The following TF variants were observed in gnomAD, a reference collection of about 807,000 sequenced individuals.
The protein encoded by TF is transferrin, also known as serotransferrin.
Under a neutral mutation model 82.4 loss-of-function variants are expected in TF, and 55 were observed. The ratio of observed to expected loss-of-function variants is 0.67; its 90% CI spans 0.54 to 0.84. The LOEUF is 0.84. Among genes scored for constraint, TF ranks in the 40% least tolerant of loss-of-function variants. TF has a pLI of 0.00. For missense variants in TF, 737 were observed against 868.4 expected (o/e 0.85, Z 1.90); for synonymous variants, 332 against 332.6 (o/e 1.00, Z 0.02).
At chr3:133,764,297 T>C (rs770844100) in intron 10 of TF, 22 bp downstream of exon 10, 2 of 1,583,660 alleles carry the variant, frequency 1.3e-6, no homozygotes, top group South Asian at 2.2e-5. Context: ...GGAGCACCTC[T>C]CTGTGTTTTC....
At chr3:133,746,286 G>A, upstream of TF, 1 of 817,618 alleles carries the variant, frequency 1.2e-6, no homozygotes. Context: ...GGGGTTGGGA[G>A]AGGGGCGATT....
Position 133,762,783 on chromosome 3 carries a change from C to CA in TF, c.1204-1396dup, listed in dbSNP as rs113992154. Among the ~76,000 whole-genome samples, 864 of 152,282 alleles carry CA rather than the reference C, an allele frequency of 5.7e-3. 13 individuals carry two copies. The highest frequency in any genetic ancestry group is 0.02 in the African/African-American group (816 of 41,552). Reference sequence around the variant, plus strand: ...TGACAGGTGCCTTCAAGCTAAAACACAAAGAATTTAATACACATTACCAGG... The same window carrying CA: ...TGACAGGTGCCTTCAAGCTAAAACACAAAAGAATTTAATACACATTACCAGG... On this transcript the variant is annotated intron_variant, in intron 9 of 16. Coordinates refer to ENST00000402696, the MANE Select transcript of TF (RefSeq NM_001063.4).
At chr3:133,695,553 G>T in the TF span, among the ~76,000 whole-genome samples, 1 of 152,076 alleles carries the variant, frequency 6.6e-6, no homozygotes, top group Non-Finnish European at 1.5e-5. Flanking sequence ...GATATAAGTT[G>T]CCTTATATCT....
chr3:133,770,113 A>G (rs992053859), intron 13 of TF, among the ~76,000 whole-genome samples: 16 of 152,182 alleles, frequency 1.1e-4, no homozygotes, highest in African/African-American at 3.9e-4. Context: ...GCAATTTGTG[A>G]TGGAGTTTCA....
chr3:133,690,885 C>T, the TF span, among the ~76,000 whole-genome samples: 44 of 152,144 alleles, frequency 2.9e-4, 1 homozygote, highest in Admixed American at 2.9e-3. Flanking sequence ...CAAGGCCCAG[C>T]GGCCTTCTTG....
chr3:133,746,090 CA>C (rs1933489057), upstream of TF: 6 of 438,488 alleles, frequency 1.4e-5, no homozygotes, highest in South Asian at 1.2e-4. Flanking sequence ...GCCCTGGAGT[CA>C]GGAGCAGAGC....
rs755141179 is a variant in TF at position 133,778,664 on chromosome 3, A to G, written c.*44A>G. The G allele has an allele frequency of 6.2e-7, 1 of 1,609,270 alleles. No individual in the cohort carries two copies. The highest frequency in any genetic ancestry group is 1.1e-5 in the South Asian group (1 of 90,564). On this transcript the variant is annotated 3_prime_UTR_variant, in exon 17 of 17. Transcript: ENST00000402696. ...GCCACCAAGGTGAAGATGGGAACGC[A>G]GATGATCCATGAGTTTGCCCTGGTT...
chr3:133,677,682 C>CA, the TF span, among the ~76,000 whole-genome samples: 3 of 150,710 alleles, frequency 2.0e-5, no homozygotes, highest in Non-Finnish European at 4.4e-5. Flanking sequence ...AAAATCATTT[C>CA]TTTTTTTTTC....
upstream of TF, chr3:133,746,277 G>A: frequency 1.3e-6 from 1 of 746,500 alleles, no homozygotes; most frequent in Non-Finnish European, 2.3e-6. Flanking sequence ...TAAGGAAGGG[G>A]GGTTGGGAGA....
At chr3:133,714,461 T>A in the TF span, among the ~76,000 whole-genome samples, 1 of 151,770 alleles carries the variant, frequency 6.6e-6, no homozygotes, top group Non-Finnish European at 1.5e-5. Flanking sequence ...AATTACATAT[T>A]TTCACAGATC....
At chr3:133,768,967 A>AT (rs2107928056) in intron 13 of TF, among the ~76,000 whole-genome samples, 1 of 151,590 alleles carries the variant, frequency 6.6e-6, no homozygotes, top group East Asian at 1.9e-4. Context: ...TAATTTTTGT[A>AT]TTTTTTTGTA....
At chr3:133,751,600 A>C (rs1349145402) in intron 2 of TF, among the ~76,000 whole-genome samples, 9 of 152,206 alleles carry the variant, frequency 5.9e-5, no homozygotes, top group Non-Finnish European at 1.3e-4. Flanking sequence ...TAATTGTTTA[A>C]TGTGTAAAGA....
chr3:133,693,344 A>G, the TF span, among the ~76,000 whole-genome samples: 1 of 152,324 alleles, frequency 6.6e-6, no homozygotes, highest in East Asian at 1.9e-4. Flanking sequence ...GGCTGGCACT[A>G]GGATTTTTTG....
the TF span, among the ~76,000 whole-genome samples, chr3:133,668,405 C>T: frequency 1.3e-5 from 2 of 152,166 alleles, no homozygotes; most frequent in African/African-American, 4.8e-5. Flanking sequence ...GCTCCTGTCA[C>T]AGAACAGAAT....
chr3:133,773,817 A>G (rs1026320400), intron 14 of TF: 2 of 152,004 alleles, frequency 1.3e-5, no homozygotes, highest in Non-Finnish European at 2.9e-5. Flanking sequence ...TCACAAACCC[A>G]CTTTTCCTCT....
intron 5 of TF, chr3:133,755,956 T>G (rs1933815392): frequency 4.2e-6 from 2 of 473,700 alleles, no homozygotes; most frequent in Non-Finnish European, 7.6e-6. Flanking sequence ...TATCCTAAAG[T>G]TTTACAACCA....
In TF at chr3:133,785,466, CG is replaced by C. The variant is rs1934650611; in HGVS notation, c.*6848del. The stretch of plus-strand genomic sequence containing the variant: ...GAGGTGGGGGGGTCAGCCCCCCGCC[CG>C]GCCAGCCGCCCCGTCCGGGAGGGAG... On this transcript the variant is annotated 3_prime_UTR_variant, in exon 17 of 17. Transcript: ENST00000402696. The C allele has an allele frequency of 8.1e-6, 1 of 123,152 alleles. No homozygotes were observed. Among genetic ancestry groups the C allele is most frequent in the East Asian group, 2.8e-4 (1 of 3,538 alleles). 7.6% of individuals were successfully genotyped at this position (123,152 alleles called of 1,614,324 possible). A position where few individuals can be genotyped will look rare whatever the true frequency, so the allele number is the denominator to read the frequency against.
In TF at chr3:133,789,154, C is replaced by G. The variant is rs1325721804; in HGVS notation, c.*10534C>G. The G allele has an allele frequency of 1.3e-5, 2 of 152,268 alleles. No homozygotes were observed. Among genetic ancestry groups the G allele is most frequent in the African/African-American group, 4.8e-5 (2 of 41,454 alleles). 9.4% of individuals were successfully genotyped at this position (152,268 alleles called of 1,614,324 possible). The stretch of plus-strand genomic sequence containing the variant: ...CTTCAACCTCTCCAAAGGGGATGCC[C>G]TTGGCAGCAGTTCTAAGGACTAGTA... On this transcript the variant is annotated 3_prime_UTR_variant, in exon 17 of 17. Transcript: ENST00000402696.
chr3:133,745,226 G>T (rs1404731507), upstream of TF, among the ~76,000 whole-genome samples: 1 of 152,208 alleles, frequency 6.6e-6, no homozygotes, highest in Admixed American at 6.5e-5. Context: ...CTTGATATGA[G>T]CTTGGTCAAC....
Sources: allele counts gnomAD v4.1 joint callset (sites outside exome capture counted in the v4.1 genomes callset), GRCh38; gene constraint gnomAD v4.1.1; transcripts MANE v1.5; gene names NCBI Gene and HGNC (gene_info 2026-07-23, HGNC 2026-07-21).